The following SEM1 variants were observed in gnomAD, a reference collection of about 807,000 sequenced individuals.
SEM1 encodes the protein 26S proteasome complex subunit SEM1.
In SEM1, 3 loss-of-function variants were observed where a neutral mutation model predicts 12.7. The observed-to-expected ratio is 0.24, with a 90% CI of 0.11 to 0.61. SEM1 has a LOEUF of 0.61. SEM1 is among the 20% of genes least tolerant of loss of function. The pLI is 0.88. For synonymous variants in SEM1, 30 were observed against 27.8 expected, an observed-to-expected ratio of 1.08 and a Z score of -0.25; for missense variants, 59 against 81.3, an observed-to-expected ratio of 0.73 and a Z score of 1.06.
chr7:96,612,370 G>A (rs978792255), intron 2 of SEM1, among the ~76,000 whole-genome samples: 1 of 152,142 alleles, frequency 6.6e-6, no homozygotes, highest in East Asian at 1.9e-4. Context: ...TAAGCCTCTA[G>A]CCTTTCATTA....
chr7:96,512,814 G>A (rs999887614), intron 2 of SEM1, among the ~76,000 whole-genome samples: 3 of 152,096 alleles, frequency 2.0e-5, no homozygotes, highest in Non-Finnish European at 4.4e-5. Flanking sequence ...GAAAGTTCAG[G>A]AGGAAGAGTC....
chr7:96,563,736 A>AT (rs1278446149), intron 2 of SEM1, among the ~76,000 whole-genome samples: 1 of 152,124 alleles, frequency 6.6e-6, no homozygotes. Flanking sequence ...ATAGATATAG[A>AT]ATGTTTAACT....
chr7:96,665,856 C>A (rs1024825084), intron 2 of SEM1, among the ~76,000 whole-genome samples: 1 of 152,212 alleles, frequency 6.6e-6, no homozygotes, highest in Non-Finnish European at 1.5e-5. Flanking sequence ...CATGTCAACA[C>A]AGGTCCTCAC....
At chr7:96,692,046 C>A (rs1789945632) in intron 2 of SEM1, among the ~76,000 whole-genome samples, 1 of 152,108 alleles carries the variant, frequency 6.6e-6, no homozygotes, top group Non-Finnish European at 1.5e-5. Context: ...GATTTATATA[C>A]CTATAGAAAT....
intron 2 of SEM1, among the ~76,000 whole-genome samples, chr7:96,585,639 T>G (rs1806599202): frequency 6.6e-6 from 1 of 152,242 alleles, no homozygotes; most frequent in Non-Finnish European, 1.5e-5. Context: ...CTTAGGACCC[T>G]CCGAGCCAGG....
intron 2 of SEM1, among the ~76,000 whole-genome samples, chr7:96,552,639 C>T (rs1408477227): frequency 8.8e-5 from 13 of 147,336 alleles, no homozygotes; most frequent in African/African-American, 1.7e-4. Context: ...TGAATAATGC[C>T]GCAATAAACA....
At chr7:96,697,012 T>A (rs569978847) in intron 1 of SEM1, 2 of 152,082 alleles carry the variant, frequency 1.3e-5, no homozygotes, top group African/African-American at 4.8e-5. Flanking sequence ...TGATATCTGA[T>A]ATACCTCATG....
At chr7:96,494,196 G>A (rs1803143838) in intron 1 of SEM1, among the ~76,000 whole-genome samples, 1 of 152,094 alleles carries the variant, frequency 6.6e-6, no homozygotes, top group Non-Finnish European at 1.5e-5. Context: ...TTTGCATTGT[G>A]GTGTACAAAC....
intron 2 of SEM1, among the ~76,000 whole-genome samples, chr7:96,522,764 G>A (rs1804323700): frequency 6.7e-6 from 1 of 149,040 alleles, no homozygotes; most frequent in African/African-American, 2.5e-5. Flanking sequence ...GGTGGCACAT[G>A]CTTGTAATCC....
chr7:96,678,964 G>C (rs995745823), intron 2 of SEM1, among the ~76,000 whole-genome samples: 1 of 151,964 alleles, frequency 6.6e-6, no homozygotes, highest in African/African-American at 2.4e-5. Context: ...GTATTATATA[G>C]ACTTGTATCA....
chr7:96,707,768 A>ATCAAGTG (rs1790515270), intron 1 of SEM1, among the ~76,000 whole-genome samples: 1 of 152,244 alleles, frequency 6.6e-6, no homozygotes, highest in Non-Finnish European at 1.5e-5. Flanking sequence ...GCTGAAAAAA[A>ATCAAGTG]TCAAGTGTAC....
At chr7:96,541,849 A>G (rs1298414011) in intron 2 of SEM1, among the ~76,000 whole-genome samples, 1 of 149,206 alleles carries the variant, frequency 6.7e-6, no homozygotes, top group Non-Finnish European at 1.5e-5. Context: ...TCCTTTCCCC[A>G]TTGCTTATTT....
intron 3 of SEM1, among the ~76,000 whole-genome samples, chr7:96,484,577 C>T (rs1301781020): frequency 6.6e-6 from 1 of 152,174 alleles, no homozygotes; most frequent in Non-Finnish European, 1.5e-5. Flanking sequence ...TTGATTCAGA[C>T]TCCACTGGAA....
rs901220770 is a variant in SEM1 at position 96,581,312 on chromosome 7, C to T, written c.171-74614G>A. 3.3e-5 allele frequency among the ~76,000 whole-genome samples: 5 copies of T among 152,096 alleles called. No homozygotes were observed. In the South Asian group the frequency reaches 1.0e-3, roughly 32 times the overall value. On this transcript the variant is annotated intron_variant and NMD_transcript_variant, in intron 2 of 3. Transcript: ENST00000466986. ...GCGGCGTTATTTCTGAGGGCTCTGT[C>T]CTGTTCCATTGATCTTTATCTCTGT...
At chr7:96,690,828 T>C (rs1789910012) in intron 2 of SEM1, among the ~76,000 whole-genome samples, 1 of 152,200 alleles carries the variant, frequency 6.6e-6, no homozygotes, top group Admixed American at 6.5e-5. Flanking sequence ...TGGAGTGCAG[T>C]GGTGCCATCT....
intron 2 of SEM1, among the ~76,000 whole-genome samples, chr7:96,518,048 A>G (rs758287118): frequency 2.0e-5 from 3 of 152,198 alleles, no homozygotes; most frequent in Non-Finnish European, 4.4e-5. Flanking sequence ...TGGATATAGC[A>G]TTTGAAATTA....
upstream of SEM1, among the ~76,000 whole-genome samples, chr7:96,496,652 T>C (rs1803278545): frequency 1.3e-5 from 2 of 152,158 alleles, no homozygotes; most frequent in Non-Finnish European, 1.5e-5. Flanking sequence ...AGGGGAAACG[T>C]AAGATTTAAG....
intron 2 of SEM1, among the ~76,000 whole-genome samples, chr7:96,595,043 T>G (rs1278010723): frequency 6.6e-6 from 1 of 152,104 alleles, no homozygotes; most frequent in African/African-American, 2.4e-5. Context: ...ATATTATAGC[T>G]CATATATAAA....
intron 2 of SEM1, among the ~76,000 whole-genome samples, chr7:96,580,091 G>T: frequency 6.8e-6 from 1 of 146,258 alleles, no homozygotes; most frequent in Admixed American, 6.8e-5. Flanking sequence ...CTAGCATTAG[G>T]TATATCTCCC....
Sources: allele counts gnomAD v4.1 joint callset (sites outside exome capture counted in the v4.1 genomes callset), GRCh38; gene constraint gnomAD v4.1.1; transcripts MANE v1.5; gene names NCBI Gene and HGNC (gene_info 2026-07-23, HGNC 2026-07-21).